CACNA1C: variants seen among roughly 807,000 people sequenced by gnomAD.
The protein encoded by CACNA1C is calcium voltage-gated channel subunit alpha1 C.
In CACNA1C, 30 loss-of-function variants were observed where a neutral mutation model predicts 229.0. The observed-to-expected ratio is 0.13, with a 90% CI of 0.10 to 0.18. CACNA1C has a LOEUF of 0.18. CACNA1C is among the 10% of genes least tolerant of loss of function. The pLI is 1.00. For missense variants in CACNA1C, 1,658 were observed against 2,845.0 expected (o/e 0.58, Z 9.49); for synonymous variants, 1,114 against 1,132.5 (o/e 0.98, Z 0.33).
chr12:2,370,537 T>G (rs901615739), intron 3 of CACNA1C, among the ~76,000 whole-genome samples: 1 of 152,230 alleles, frequency 6.6e-6, no homozygotes, highest in African/African-American at 2.4e-5. Flanking sequence ...GTTGAAATGC[T>G]CATTTCACAT....
chr12:2,468,607 G>C (rs1247899633), intron 5 of CACNA1C, among the ~76,000 whole-genome samples: 1 of 152,254 alleles, frequency 6.6e-6, no homozygotes, highest in Admixed American at 6.5e-5. Flanking sequence ...CTTCTGGGCT[G>C]TAGGGCGCCC....
chr12:2,671,171 C>T (rs181472928), intron 38 of CACNA1C, among the ~76,000 whole-genome samples: 55 of 152,172 alleles, frequency 3.6e-4, no homozygotes, highest in African/African-American at 1.2e-3. Context: ...CGTGCCACCA[C>T]GCCCGGCTAA....
At position 2,665,478 on chromosome 12, in the gene CACNA1C, A is replaced by G; in HGVS notation, c.4399-103A>G. On this transcript the variant is annotated intron_variant, in intron 35 of 46. Coordinates refer to ENST00000399655, the MANE Select transcript of CACNA1C (RefSeq NM_000719.7). The surrounding 1 kb of genome is among the most constrained non-coding windows in gnomAD (Gnocchi z 5.9). Reference sequence around the variant, plus strand: ...TAGGATGGATGACTGGTCTTTAGAAATGTTGGCTTCTGCCATCAGTAGGCC... The same window carrying G: ...TAGGATGGATGACTGGTCTTTAGAAGTGTTGGCTTCTGCCATCAGTAGGCC... The G allele has an allele frequency of 8.0e-7, 1 of 1,250,526 alleles. No individual in the cohort carries two copies. Among genetic ancestry groups the G allele is most frequent in the East Asian group, 2.4e-5 (1 of 41,362 alleles). 77.5% of individuals were successfully genotyped at this position (1,250,526 alleles called of 1,614,324 possible).
chr12:2,136,467 G>A (rs2093504776), intron 3 of CACNA1C, among the ~76,000 whole-genome samples: 1 of 151,400 alleles, frequency 6.6e-6, no homozygotes, highest in African/African-American at 2.4e-5. Context: ...GCTTTTAACT[G>A]CTATGCTGTG....
rs1018645801 is a variant in CACNA1C, at chr12:2,273,845, G to A, written c.477+153415G>A. On this transcript the variant is annotated intron_variant, in intron 3 of 46. Transcript: ENST00000399655. ...GCAGAGAACGGGAGGGGGTCAAGGA[G>A]GCTGTCTGTTTCCCTCAGTGCAAAT... Among the ~76,000 whole-genome samples, 5 of 152,338 alleles carry A rather than the reference G, an allele frequency of 3.3e-5. No homozygotes were observed. The South Asian group carries it at 6.2e-4, about 19-fold the overall frequency.
In CACNA1C at chr12:2,488,888, A is replaced by G. The variant is rs544876357; in HGVS notation, c.916+2626A>G. ...GCCGTCTGATCACAAGCCAGGACCC[A>G]CTCTGTCACTCTTAGCACAACACGA... is the stretch of plus-strand genomic sequence containing the variant. On this transcript the variant is annotated intron_variant, in intron 6 of 46. Coordinates refer to ENST00000399655, the MANE Select transcript of CACNA1C (RefSeq NM_000719.7). This position sits in a 1 kb window ranked among gnomAD's most constrained non-coding sequence, Gnocchi z 4.0. Among the ~76,000 whole-genome samples the G allele has an allele frequency of 6.6e-6, 1 of 151,922 alleles. No individual in the cohort carries two copies. The highest frequency in any genetic ancestry group is 1.5e-5 in the Non-Finnish European group (1 of 67,948).
At chr12:2,550,483 A>G (rs1253509810) in intron 10 of CACNA1C, 7 of 1,292,186 alleles carry the variant, frequency 5.4e-6, no homozygotes, top group Non-Finnish European at 7.1e-6. Context: ...GCCAGGTGAG[A>G]AGATGTTCTG....
chr12:2,338,474 A>G (rs570741579), intron 3 of CACNA1C, among the ~76,000 whole-genome samples: 1 of 151,862 alleles, frequency 6.6e-6, no homozygotes, highest in African/African-American at 2.4e-5. Context: ...TGCATACCAG[A>G]AATGTCCCCC....
intron 3 of CACNA1C, among the ~76,000 whole-genome samples, chr12:2,135,774 T>C (rs1216992009): frequency 1.4e-5 from 2 of 146,726 alleles, no homozygotes; most frequent in Non-Finnish European, 3.0e-5. Flanking sequence ...GTCTGTGCCC[T>C]GCCCCCAGAG....
rs1019087166 is a variant in CACNA1C, at chr12:2,691,613, C to T, written c.*414C>T. 6.1e-6 allele frequency: 1 copy of T among 162,874 alleles called. No individual in the cohort carries two copies. The highest frequency in any genetic ancestry group is 1.3e-5 in the Non-Finnish European group (1 of 75,208). 10.1% of individuals were successfully genotyped at this position (162,874 alleles called of 1,614,324 possible). A position where few individuals can be genotyped will look rare whatever the true frequency, so the allele number is the denominator to read the frequency against. ...ACGAGCCTCGCTGTCTCCCTAGAGCCAGGGCCCTGCGGATTTGGAGAAGGG... is the reference window on the plus strand; with the variant it reads ...ACGAGCCTCGCTGTCTCCCTAGAGCTAGGGCCCTGCGGATTTGGAGAAGGG... On this transcript the variant is annotated 3_prime_UTR_variant, in exon 47 of 47. Transcript: ENST00000399655.
chr12:2,297,110 C>T (rs1198609162), intron 3 of CACNA1C, among the ~76,000 whole-genome samples: 2 of 152,168 alleles, frequency 1.3e-5, no homozygotes, highest in African/African-American at 4.8e-5. Context: ...AGCAAAGAAA[C>T]CGCTCAGTAA....
intron 1 of CACNA1C, chr12:1,993,255 A>C: frequency 3.1e-6 from 5 of 1,614,112 alleles, no homozygotes; most frequent in Non-Finnish European, 3.4e-6. Context: ...TGTAGTAAGA[A>C]AGACTCACAT....
At chr12:2,578,942 T>C (rs1233394028) in intron 13 of CACNA1C, among the ~76,000 whole-genome samples, 2 of 151,784 alleles carry the variant, frequency 1.3e-5, no homozygotes, top group Non-Finnish European at 2.9e-5. Context: ...TTCCCAGGAG[T>C]GTTCTCCCCT....
chr12:2,242,065 G>A (rs767031463), intron 3 of CACNA1C, among the ~76,000 whole-genome samples: 26 of 152,036 alleles, frequency 1.7e-4, no homozygotes, highest in Non-Finnish European at 3.1e-4. Flanking sequence ...TTGTCCTTGT[G>A]CCCTCTGCAT....
At position 2,034,023 on chromosome 12, in the gene CACNA1C, C is replaced by T. The variant is rs1281323386; in HGVS notation, c.139+62822C>T. Among the ~76,000 whole-genome samples, 1 of 152,200 alleles carries T rather than the reference C, an allele frequency of 6.6e-6. No homozygotes were observed. Among genetic ancestry groups the T allele is most frequent in the Admixed American group, 6.5e-5 (1 of 15,282 alleles). On this transcript the variant is annotated intron_variant, in intron 1 of 46. Coordinates refer to the CACNA1C transcript ENST00000682462. This position sits in a 1 kb window ranked among gnomAD's most constrained non-coding sequence, Gnocchi z 4.1. ...TCGTAGAGAGGGGAGGAAGAGAATA[C>T]AGTAACTGTATTGCAACATTTATTA...
chr12:2,264,321 T>C (rs1263918316), intron 3 of CACNA1C, among the ~76,000 whole-genome samples: 1 of 152,192 alleles, frequency 6.6e-6, no homozygotes, highest in Non-Finnish European at 1.5e-5. Context: ...CTTGGGCCTG[T>C]CTTCAGATAA....
chr12:1,993,526 G>A (rs1008256880), intron 1 of CACNA1C: 29 of 1,040,072 alleles, frequency 2.8e-5, no homozygotes, highest in South Asian at 9.9e-5. Context: ...GCCTGTACAC[G>A]TACTTCTTCA....
Position 2,666,670 on chromosome 12 carries a change from C to T in CACNA1C, c.4527-16C>T. ...GGCTCTCTGATGCCCTGTCCCTCCT[C>T]TCCCTCCTCTTCTAGGGGTCGTATC... On this transcript the variant is annotated splice_polypyrimidine_tract_variant and intron_variant, in intron 36 of 46. Coordinates refer to ENST00000399655, the MANE Select transcript of CACNA1C (RefSeq NM_000719.7). This position sits in a 1 kb window ranked among gnomAD's most constrained non-coding sequence, Gnocchi z 5.3. 6.5e-7 allele frequency: 1 copy of T among 1,545,116 alleles called. No individual in the cohort carries two copies. Among genetic ancestry groups the T allele is most frequent in the Non-Finnish European group, 8.8e-7 (1 of 1,132,598 alleles).
At chr12:2,179,128 A>G (rs2096755519) in intron 3 of CACNA1C, among the ~76,000 whole-genome samples, 1 of 152,248 alleles carries the variant, frequency 6.6e-6, no homozygotes, top group South Asian at 2.1e-4. Context: ...TTCTGTACTT[A>G]GAACAACCTA....
Sources: allele counts gnomAD v4.1 joint callset (sites outside exome capture counted in the v4.1 genomes callset), GRCh38; gene constraint gnomAD v4.1.1; non-coding constraint Gnocchi (gnomAD v3.1); transcripts MANE v1.5; gene names NCBI Gene and HGNC (gene_info 2026-07-23, HGNC 2026-07-21).